GSK3B: variants seen among roughly 807,000 people sequenced by gnomAD.
GSK3B encodes glycogen synthase kinase 3 beta, also known as glycogen synthase kinase-3 beta.
In GSK3B, 15 loss-of-function variants were observed where a neutral mutation model predicts 56.4. That is an observed-to-expected ratio of 0.27 (90% CI 0.18 to 0.41). The LOEUF is 0.41. Ranked by LOEUF, GSK3B falls within the 10% of genes least tolerant of loss-of-function variation. The pLI is 1.00. For synonymous variants in GSK3B, 181 were observed against 188.9 expected (o/e 0.96, Z 0.34); for missense variants, 300 against 513.4 (o/e 0.58, Z 4.02).
intron 2 of GSK3B, among the ~76,000 whole-genome samples, chr3:119,954,785 A>C (rs1351475234): frequency 6.6e-6 from 1 of 152,202 alleles, no homozygotes; most frequent in Non-Finnish European, 1.5e-5. Flanking sequence ...ATGCTTTAAA[A>C]AGAGAGAGAA....
At chr3:119,983,477 C>T (rs983032991) in intron 2 of GSK3B, among the ~76,000 whole-genome samples, 5 of 150,280 alleles carry the variant, frequency 3.3e-5, no homozygotes, top group East Asian at 3.9e-4. Context: ...TATGCAAAGA[C>T]GCACACAGAC....
intron 2 of GSK3B, among the ~76,000 whole-genome samples, chr3:119,994,717 C>G (rs2107471738): frequency 6.6e-6 from 1 of 152,180 alleles, no homozygotes; most frequent in South Asian, 2.1e-4. Context: ...AAATAGCTGT[C>G]CTATACTGTT....
At chr3:120,030,429 G>C (rs2107520886) in intron 1 of GSK3B, among the ~76,000 whole-genome samples, 1 of 152,252 alleles carries the variant, frequency 6.6e-6, no homozygotes, top group African/African-American at 2.4e-5. Flanking sequence ...AGTTACACTT[G>C]TGTCTCATTC....
At position 120,038,579 on chromosome 3, in the gene GSK3B, T is replaced by C. The variant is rs75406919; in HGVS notation, c.89-36340A>G. On this transcript the variant is annotated intron_variant, in intron 1 of 10. Coordinates refer to ENST00000264235, the MANE Select transcript of GSK3B (RefSeq NM_001146156.2). ...ACATCAAAAAGGGATGGCAGTCTTT[T>C]TCTGAAAAATGGTACTAGAATAAGC... Among the ~76,000 whole-genome samples, 964 of 152,184 alleles carry C rather than the reference T, an allele frequency of 6.3e-3. 11 individuals are homozygous for C. Among genetic ancestry groups the C allele is most frequent in the African/African-American group, 0.02 (824 of 41,496 alleles).
At chr3:120,052,171 A>G (rs1019524648) in intron 1 of GSK3B, among the ~76,000 whole-genome samples, 1 of 152,224 alleles carries the variant, frequency 6.6e-6, no homozygotes, top group Non-Finnish European at 1.5e-5. Flanking sequence ...TACTATATAA[A>G]AAAGGTGCAA....
chr3:119,832,144 TC>T (rs1332588113), intron 10 of GSK3B, among the ~76,000 whole-genome samples: 2 of 152,234 alleles, frequency 1.3e-5, no homozygotes, highest in African/African-American at 4.8e-5. Flanking sequence ...TTGCCTTCTT[TC>T]TTGAATTACT....
intron 1 of GSK3B, among the ~76,000 whole-genome samples, chr3:120,053,701 G>A (rs1173014321): frequency 1.3e-5 from 2 of 152,194 alleles, no homozygotes; most frequent in East Asian, 3.8e-4. Context: ...TGTTGTGGGA[G>A]GGACCCACAT....
At chr3:120,014,441 T>C (rs756372863) in intron 1 of GSK3B, among the ~76,000 whole-genome samples, 1 of 152,144 alleles carries the variant, frequency 6.6e-6, no homozygotes, top group Non-Finnish European at 1.5e-5. Context: ...GAACTTATTC[T>C]TGTGATTAAA....
intron 1 of GSK3B, among the ~76,000 whole-genome samples, chr3:120,083,759 T>A (rs1253603726): frequency 6.6e-6 from 1 of 152,102 alleles, no homozygotes; most frequent in Admixed American, 6.5e-5. Context: ...ACAACCCAAA[T>A]GTCCATCAAC....
At chr3:119,897,427 G>A (rs1422002203) in intron 7 of GSK3B, among the ~76,000 whole-genome samples, 1 of 151,890 alleles carries the variant, frequency 6.6e-6, no homozygotes, top group Non-Finnish European at 1.5e-5. Flanking sequence ...CATATCGTAT[G>A]TGTAATACCC....
chr3:119,865,456 ATATATATATATTTT>A (rs1304864864), intron 8 of GSK3B, among the ~76,000 whole-genome samples: 3 of 20,736 alleles, frequency 1.4e-4, no homozygotes, highest in African/African-American at 2.0e-4. Context: ...ATATATATAT[ATATATATATATTTT>A]TTTTTTTTTT....
At chr3:119,971,832 C>T (rs1430737920) in intron 2 of GSK3B, among the ~76,000 whole-genome samples, 3 of 151,290 alleles carry the variant, frequency 2.0e-5, no homozygotes, top group Non-Finnish European at 2.9e-5. Context: ...GGGATGGTCT[C>T]GATCTCCTGA....
chr3:119,940,548 T>C (rs1461194787), intron 3 of GSK3B, among the ~76,000 whole-genome samples: 1 of 152,128 alleles, frequency 6.6e-6, no homozygotes, highest in Non-Finnish European at 1.5e-5. Context: ...AGAGTGGTGG[T>C]ATTAGGGAAG....
chr3:120,025,333 C>T (rs1161146687), intron 1 of GSK3B, among the ~76,000 whole-genome samples: 2 of 151,944 alleles, frequency 1.3e-5, no homozygotes, highest in Non-Finnish European at 2.9e-5. Context: ...TTTTAGCCTA[C>T]AACAGTTCTC....
intron 3 of GSK3B, among the ~76,000 whole-genome samples, chr3:119,937,283 TG>T (rs35052889): frequency 2.6e-5 from 4 of 152,118 alleles, no homozygotes; most frequent in African/African-American, 4.8e-5. Context: ...CCCTCATGAA[TG>T]GAATTGTGCC....
intron 9 of GSK3B, among the ~76,000 whole-genome samples, chr3:119,862,524 TA>T (rs5852229): frequency 0.094 from 10,492 of 111,814 alleles, 431 homozygotes; most frequent in African/African-American, 0.14. Context: ...TAGAGTATAA[TA>T]AAAAAAAAAA....
At chr3:119,996,541 A>G (rs947693673) in intron 2 of GSK3B, among the ~76,000 whole-genome samples, 10 of 151,984 alleles carry the variant, frequency 6.6e-5, no homozygotes, top group Non-Finnish European at 7.4e-5. Context: ...GAGGACAATC[A>G]GAAGTATTAC....
intron 7 of GSK3B, among the ~76,000 whole-genome samples, chr3:119,889,181 T>C (rs1489633493): frequency 3.3e-5 from 5 of 152,126 alleles, no homozygotes; most frequent in Non-Finnish European, 7.4e-5. Flanking sequence ...TAAAACTTGC[T>C]GGTTTTGCAG....
At chr3:119,995,205 G>A (rs899227874) in intron 2 of GSK3B, among the ~76,000 whole-genome samples, 35 of 151,434 alleles carry the variant, frequency 2.3e-4, no homozygotes, top group Non-Finnish European at 4.3e-4. Flanking sequence ...GTGTGGTGGC[G>A]CACACCTATG....
Sources: gnomAD v4.1 joint callset for allele counts (sites outside exome capture counted in the v4.1 genomes callset) on GRCh38, gnomAD v4.1.1 for gene constraint, MANE v1.5 for transcripts, NCBI Gene and HGNC (gene_info 2026-07-23, HGNC 2026-07-21) for gene names.